NT5E: variants seen among roughly 807,000 people sequenced by gnomAD.
The protein encoded by NT5E is 5'-nucleotidase.
In NT5E, 53 loss-of-function variants were observed where a neutral mutation model predicts 55.1. That is an observed-to-expected ratio of 0.96 (90% CI 0.77 to 1.21). The LOEUF (loss-of-function observed/expected upper bound fraction) is 1.21. Ranked by LOEUF, NT5E falls within the 50% of genes most tolerant of loss-of-function variation. The pLI, the probability that NT5E is intolerant of heterozygous loss-of-function variation, is 0.00. For missense variants in NT5E, 683 were observed against 724.3 expected, an observed-to-expected ratio of 0.94 and a Z score of 0.65; for synonymous variants, 270 against 278.4, an observed-to-expected ratio of 0.97 and a Z score of 0.30.
At chr6:85,489,412 A>T in intron 5 of NT5E, 82 bp from the exon 6 acceptor site, 1 of 959,424 alleles carries the variant, frequency 1.0e-6, no homozygotes, top group Non-Finnish European at 1.7e-6. Flanking sequence ...TTATTTCCTC[A>T]CTAGAGCTAA....
chr6:85,452,589 G>T (rs1284968063), intron 1 of NT5E, among the ~76,000 whole-genome samples: 1 of 152,156 alleles, frequency 6.6e-6, no homozygotes, highest in Non-Finnish European at 1.5e-5. Context: ...AAGATTGGGA[G>T]CGGATCACAT....
At position 85,490,517 on chromosome 6, in the gene NT5E, C is replaced by G. The variant is rs376406036; in HGVS notation, c.1220C>G (p.Thr407Ser). 6.2e-7 allele frequency: 1 copy of G among 1,614,212 alleles called. No individual in the cohort carries two copies. Among genetic ancestry groups the G allele is most frequent in the Non-Finnish European group, 8.5e-7 (1 of 1,180,018 alleles). The change falls in exon 7 of 9, where the codon ACC (threonine) becomes AGC (serine). Residue 407 changes from threonine (T) to serine (S), a missense_variant. Transcript: ENST00000257770. ...PIDERNNGTI[T>S]WENLAAVLPF... is the part of the protein sequence containing the mutation. ...CTGTGACTACCCTCAGGCACAATTACCTGGGAGAACCTGGCTGCTGTATTG... is the reference window on the plus strand; with the variant it reads ...CTGTGACTACCCTCAGGCACAATTAGCTGGGAGAACCTGGCTGCTGTATTG...
At chr6:85,463,652 G>T (rs1300956916) in intron 1 of NT5E, among the ~76,000 whole-genome samples, 1 of 152,246 alleles carries the variant, frequency 6.6e-6, no homozygotes, top group South Asian at 2.1e-4. Context: ...TTCCTGAGAT[G>T]TTTTCATGTT....
intron 6 of NT5E, 24 bp from the exon 7 acceptor site, chr6:85,490,484 T>G (rs1436801119): frequency 6.2e-7 from 1 of 1,614,108 alleles, no homozygotes; most frequent in South Asian, 1.1e-5. Context: ...TTTTCCTTCT[T>G]GCCTCATCTG....
chr6:85,468,855 C>G (rs1243750546), intron 2 of NT5E, among the ~76,000 whole-genome samples: 1 of 152,074 alleles, frequency 6.6e-6, no homozygotes, highest in Non-Finnish European at 1.5e-5. Flanking sequence ...CAGCCCTTTA[C>G]CAGGCTGTAA....
rs372252780 is a variant in NT5E at position 85,450,203 on chromosome 6, C to A, written c.64C>A (p.Pro22Thr). The part of the protein sequence containing the change: ...LLLALGAVLW[P>T]AAGAWELTIL... ...CCTCGCCCTGGGCGCGGTGCTGTGG[C>A]CTGCGGCTGGCGCCTGGGAGCTTAC... Residue 22 changes from proline (P) to threonine (T), a missense_variant, in exon 1 of 9, where the codon CCT (proline) becomes ACT (threonine). Pro to Thr is a conservative substitution (Grantham distance 38). Transcript: ENST00000257770. The surrounding 1 kb of genome is among the most constrained non-coding windows in gnomAD (Gnocchi z 4.0). 6 of 1,608,624 alleles carry A rather than the reference C, an allele frequency of 3.7e-6. No homozygotes were observed. The highest frequency in any genetic ancestry group is 1.7e-5 in the Admixed American group (1 of 59,714).
chr6:85,487,332 T>C lies in NT5E; in HGVS notation c.950-3T>C. ...GTAGGGTACCTTCTTTTCTTTCTTCTAGATCCAAGCATAAAAGCAGACATT... is the reference window on the plus strand; with the variant it reads ...GTAGGGTACCTTCTTTTCTTTCTTCCAGATCCAAGCATAAAAGCAGACATT... On this transcript the variant is annotated splice_region_variant and splice_polypyrimidine_tract_variant and intron_variant, in intron 4 of 8. Coordinates refer to ENST00000257770, the MANE Select transcript of NT5E (RefSeq NM_002526.4). 6.2e-7 allele frequency: 1 copy of C among 1,612,654 alleles called. No individual in the cohort carries two copies. The highest frequency in any genetic ancestry group is 1.7e-5 in the Admixed American group (1 of 60,008).
chr6:85,451,843 G>A (rs912558495), intron 1 of NT5E, among the ~76,000 whole-genome samples: 6 of 152,096 alleles, frequency 3.9e-5, no homozygotes, highest in Admixed American at 3.3e-4. Context: ...ATGATAAGAG[G>A]GCACCATTGT....
Position 85,471,261 on chromosome 6 carries a change from A to C in NT5E, c.587A>C (p.Glu196Ala). 1 of 1,609,358 alleles carries C rather than the reference A, an allele frequency of 6.2e-7. No individual in the cohort carries two copies. Among genetic ancestry groups the C allele is most frequent in the Non-Finnish European group, 8.5e-7 (1 of 1,177,196 alleles). The change falls in exon 3 of 9, where the codon GAA becomes GCA. Residue 196 changes from glutamate (E) to alanine (A), a missense_variant. Coordinates refer to ENST00000257770, the MANE Select transcript of NT5E (RefSeq NM_002526.4). ...NPGTNLVFED[E>A]ITALQPEVDK... Reference sequence around the variant, plus strand: ...GGGACAAATTTAGTGTTTGAAGATGAAATCACTGCATTACAACCTGAAGTA... The same window carrying C: ...GGGACAAATTTAGTGTTTGAAGATGCAATCACTGCATTACAACCTGAAGTA...
intron 1 of NT5E, among the ~76,000 whole-genome samples, chr6:85,454,725 A>G (rs1015065089): frequency 6.6e-6 from 1 of 152,192 alleles, no homozygotes; most frequent in African/African-American, 2.4e-5. Flanking sequence ...ATAGTTTGCT[A>G]ATTTAAAGCT....
intron 1 of NT5E, among the ~76,000 whole-genome samples, chr6:85,461,781 G>A (rs932038913): frequency 6.6e-6 from 1 of 152,132 alleles, no homozygotes; most frequent in Admixed American, 6.5e-5. Context: ...GAGGGGACAG[G>A]AGGGGTAGAG....
At chr6:85,492,548 T>C (rs1435288431) in intron 8 of NT5E, among the ~76,000 whole-genome samples, 2 of 152,212 alleles carry the variant, frequency 1.3e-5, no homozygotes. Context: ...TTAAATTTTC[T>C]TTCTTGAAGA....
At chr6:85,455,995 G>T (rs554113092) in intron 1 of NT5E, among the ~76,000 whole-genome samples, 5 of 150,508 alleles carry the variant, frequency 3.3e-5, no homozygotes, top group Admixed American at 2.0e-4. Context: ...GGGGCTGGTC[G>T]CCAGAAAGAC....
intron 3 of NT5E, among the ~76,000 whole-genome samples, chr6:85,478,853 A>AAG (rs967946976): frequency 6.6e-6 from 1 of 151,704 alleles, no homozygotes; most frequent in Non-Finnish European, 1.5e-5. Context: ...GAGAGAGAGA[A>AAG]AGAGAGAGAG....
chr6:85,485,180 G>T (rs1268483382), intron 3 of NT5E, 55 bp from the exon 4 acceptor site: 1 of 1,579,282 alleles, frequency 6.3e-7, no homozygotes, highest in Non-Finnish European at 8.7e-7. Context: ...CTGGCCTACA[G>T]CCAGCCATGT....
chr6:85,458,744 C>A (rs1182791772), intron 1 of NT5E, among the ~76,000 whole-genome samples: 3 of 152,176 alleles, frequency 2.0e-5, no homozygotes, highest in Admixed American at 6.5e-5. Context: ...CTTCCTGGAC[C>A]TCAATTAGTT....
chr6:85,492,754 C>T (rs1011095553), intron 8 of NT5E, among the ~76,000 whole-genome samples: 31 of 152,186 alleles, frequency 2.0e-4, no homozygotes, highest in African/African-American at 6.8e-4. Flanking sequence ...ATACAGACCA[C>T]TGACATAGGA....
At chr6:85,480,084 G>T (rs1348597724) in intron 3 of NT5E, among the ~76,000 whole-genome samples, 9 of 152,166 alleles carry the variant, frequency 5.9e-5, no homozygotes, top group African/African-American at 2.2e-4. Flanking sequence ...GATCCAAAAT[G>T]CTGGGCACTC....
chr6:85,491,870 A>T (rs1769792563), intron 7 of NT5E, 107 bp from the exon 8 acceptor site: 1 of 980,350 alleles, frequency 1.0e-6, no homozygotes, highest in African/African-American at 1.6e-5. Context: ...TTTAAACCAA[A>T]GGAAAAACCA....
Sources: gnomAD v4.1 joint callset for allele counts (sites outside exome capture counted in the v4.1 genomes callset) on GRCh38, gnomAD v4.1.1 for gene constraint, Gnocchi (gnomAD v3.1) non-coding constraint, MANE v1.5 for transcripts, NCBI Gene and HGNC (gene_info 2026-07-23, HGNC 2026-07-21) for gene names.